GIGYF2: variants seen among roughly 807,000 people sequenced by gnomAD.
The protein encoded by GIGYF2 is GRB10 interacting GYF protein 2.
Under a neutral mutation model 208.1 loss-of-function variants are expected in GIGYF2, and 25 were observed. The ratio of observed to expected loss-of-function variants is 0.12; its 90% CI spans 0.09 to 0.17. The LOEUF is 0.17. Among genes scored for constraint, GIGYF2 ranks in the 10% least tolerant of loss-of-function variants. The pLI is 1.00. For missense variants in GIGYF2, 1,302 were observed against 1,579.4 expected, an observed-to-expected ratio of 0.82 and a Z score of 2.98; for synonymous variants, 534 against 543.8, an observed-to-expected ratio of 0.98 and a Z score of 0.25.
rs1051821614 is a variant in GIGYF2, at chr2:232,806,809, A to G, written c.1806+152A>G. 7 of 742,980 alleles carry G rather than the reference A, an allele frequency of 9.4e-6. No homozygotes were observed. The highest frequency in any genetic ancestry group is 1.7e-5 in the Non-Finnish European group (7 of 414,470). The allele number at this position is 742,980 out of a possible 1,614,324, so 46.0% of individuals were successfully genotyped here. A position where few individuals can be genotyped will look rare whatever the true frequency, so the allele number is the denominator to read the frequency against. The stretch of plus-strand genomic sequence containing the variant: ...AAGGGAAAGTCTGAATGGAAGACTG[A>G]ATACTTAGCTATAATGATCTTTTCA... On this transcript the variant is annotated intron_variant, in intron 15 of 28. Transcript: ENST00000373563. The surrounding 1 kb of genome is among the most constrained non-coding windows in gnomAD (Gnocchi z 4.0).
chr2:232,847,428 A>G lies in GIGYF2; in HGVS notation c.3541A>G (p.Thr1181Ala). 6.2e-7 allele frequency: 1 copy of G among 1,613,990 alleles called. No individual in the cohort carries two copies. Among genetic ancestry groups the G allele is most frequent in the Non-Finnish European group, 8.5e-7 (1 of 1,179,958 alleles). The part of the protein sequence containing the change: ...HDYIRAYLGD[T>A]SEAKEFAKQF... ...TTATATCAGGGCCTATTTAGGAGAT[A>G]CTTCTGAGGCCAAGGAGTTTGCCAA... Residue 1181 changes from threonine to alanine, a missense_variant, in exon 27 of 29, where the codon ACT (threonine) becomes GCT (alanine). Thr to Ala is a moderately conservative substitution (Grantham distance 58). Transcript: ENST00000373563.
chr2:232,754,097 G>A (rs1440058487), intron 5 of GIGYF2, among the ~76,000 whole-genome samples: 2 of 151,912 alleles, frequency 1.3e-5, no homozygotes, highest in African/African-American at 2.4e-5. Context: ...CCTGGAAGGC[G>A]GAGGTTGCAG....
chr2:232,745,806 G>T (rs1265151353), intron 3 of GIGYF2, among the ~76,000 whole-genome samples: 1 of 152,042 alleles, frequency 6.6e-6, no homozygotes, highest in Non-Finnish European at 1.5e-5. Flanking sequence ...CCTCTTGATG[G>T]AATAACATAC....
chr2:232,835,987 A>G (rs1248575887), intron 22 of GIGYF2, among the ~76,000 whole-genome samples: 1 of 152,020 alleles, frequency 6.6e-6, no homozygotes, highest in East Asian at 1.9e-4. Context: ...ATATCCAAAC[A>G]GCACTGATGC....
chr2:232,748,919 TATC>T (rs1406081875), intron 4 of GIGYF2, 65 bp from the exon 5 acceptor site: 9 of 803,122 alleles, frequency 1.1e-5, no homozygotes, highest in Non-Finnish European at 2.0e-5. Context: ...TTCTTGGATT[TATC>T]TTCTTGTATT....
At chr2:232,847,698 T>C in intron 27 of GIGYF2, 127 bp downstream of exon 27, 1 of 1,274,130 alleles carries the variant, frequency 7.8e-7, no homozygotes, top group Non-Finnish European at 1.1e-6. Context: ...CTTTAAAAAA[T>C]GTGTATACTT....
intron 5 of GIGYF2, among the ~76,000 whole-genome samples, chr2:232,752,265 A>G (rs767433496): frequency 2.0e-5 from 3 of 152,334 alleles, no homozygotes; most frequent in Non-Finnish European, 1.5e-5. Flanking sequence ...AGTATTGACT[A>G]GATCTTCCTA....
At chr2:232,727,790 C>T (rs1160616968) in intron 2 of GIGYF2, among the ~76,000 whole-genome samples, 5 of 152,122 alleles carry the variant, frequency 3.3e-5, no homozygotes, top group African/African-American at 1.2e-4. Flanking sequence ...GATTCACTTC[C>T]GTTAAATCTG....
At chr2:232,797,489 T>TTC in intron 14 of GIGYF2, among the ~76,000 whole-genome samples, 1 of 145,090 alleles carries the variant, frequency 6.9e-6, no homozygotes, top group East Asian at 2.0e-4. Flanking sequence ...AGAGCAGGGC[T>TTC]TGTGTGTGTG....
At position 232,847,477 on chromosome 2, in the gene GIGYF2, AAC is replaced by A; in HGVS notation, c.3592_3593del (p.Gln1198GlufsTer58). On this transcript the variant is annotated frameshift_variant, in exon 27 of 29. Transcript: ENST00000373563. LOFTEE classifies it high-confidence loss of function. ...AAGCAGTTCCTTGAGCGCCGTGCCA[AAC>A]AGAAAGCCAACCAGCAGCGTCAGCA... 1 of 1,613,272 alleles carries A rather than the reference AAC, an allele frequency of 6.2e-7. No homozygotes were observed. The highest frequency in any genetic ancestry group is 8.5e-7 in the Non-Finnish European group (1 of 1,179,966).
In GIGYF2 at chr2:232,817,037, G is replaced by T; in HGVS notation, c.2370+5G>T. ...GAACTTGCCCGAAGGAAACAGGTAT[G>T]TATCTGGGAACTCTGACCATAGGAT... On this transcript the variant is annotated splice_donor_5th_base_variant and intron_variant, in intron 20 of 28. Coordinates refer to ENST00000373563, the MANE Select transcript of GIGYF2 (RefSeq NM_001103146.3). 4.4e-6 allele frequency: 7 copies of T among 1,606,014 alleles called. No individual in the cohort carries two copies. The highest frequency in any genetic ancestry group is 6.0e-6 in the Non-Finnish European group (7 of 1,172,576).
intron 2 of GIGYF2, chr2:232,731,241 A>G (rs1353842502): frequency 1.3e-5 from 2 of 152,232 alleles, no homozygotes; most frequent in Non-Finnish European, 2.9e-5. Context: ...CTATGTGAGC[A>G]TATGTGATGG....
chr2:232,794,850 T>G lies in GIGYF2; in HGVS notation c.1385T>G (p.Leu462Arg), dbSNP rs865955406. The part of the protein sequence containing the change: ...PPPVPNPSPT[L>R]RPVETPVVGA... ...CCTGTTCCCAATCCTAGTCCTACTC[T>G]CCGGCCAGTTGAAACACCAGTTGTA... is the stretch of plus-strand genomic sequence containing the variant. Residue 462 changes from leucine (L) to arginine (R), a missense_variant, in exon 13 of 29, where the codon CTC becomes CGC. This residue lies in a region of GIGYF2 where 235 missense variants were observed against 218.8 expected (regional missense o/e 1.07). Transcript: ENST00000373563. 1 of 1,613,890 alleles carries G rather than the reference T, an allele frequency of 6.2e-7. No homozygotes were observed. Among genetic ancestry groups the G allele is most frequent in the Middle Eastern group, 1.7e-4 (1 of 6,060 alleles).
At chr2:232,794,512 C>T (rs1464676583) in intron 12 of GIGYF2, among the ~76,000 whole-genome samples, 1 of 152,156 alleles carries the variant, frequency 6.6e-6, no homozygotes, top group Non-Finnish European at 1.5e-5. Flanking sequence ...CAGGTAAGCC[C>T]TGGAGAAGCA....
chr2:232,712,418 C>G (rs931153965), intron 2 of GIGYF2, among the ~76,000 whole-genome samples: 24 of 152,094 alleles, frequency 1.6e-4, no homozygotes, highest in African/African-American at 5.3e-4. Context: ...AGTTTTTATT[C>G]CCTCGTCATG....
intron 23 of GIGYF2, among the ~76,000 whole-genome samples, chr2:232,842,042 A>G (rs1701832126): frequency 1.3e-5 from 2 of 151,420 alleles, no homozygotes; most frequent in South Asian, 2.1e-4. Flanking sequence ...GTGTCACTGC[A>G]TTACCTGGGC....
At chr2:232,783,998 T>C (rs969292328) in intron 8 of GIGYF2, among the ~76,000 whole-genome samples, 2 of 152,166 alleles carry the variant, frequency 1.3e-5, no homozygotes, top group Admixed American at 1.3e-4. Context: ...TCAGATCTAG[T>C]TTTTTACTTG....
At chr2:232,741,434 C>CTT (rs112967383) in intron 3 of GIGYF2, among the ~76,000 whole-genome samples, 2 of 145,132 alleles carry the variant, frequency 1.4e-5, no homozygotes, top group Non-Finnish European at 1.5e-5. Context: ...TCCTGGCTTC[C>CTT]TTTTTTTTTT....
chr2:232,747,840 G>A (rs1698201841), intron 4 of GIGYF2, 96 bp downstream of exon 4: 13 of 1,191,682 alleles, frequency 1.1e-5, no homozygotes, highest in Non-Finnish European at 9.8e-6. Flanking sequence ...TTTTACTAAT[G>A]TATTGACCCA....
Sources: gnomAD v4.1 joint callset for allele counts (sites outside exome capture counted in the v4.1 genomes callset) on GRCh38, gnomAD v4.1.1 for gene constraint, gnomAD v4.1.1 regional missense constraint, Gnocchi (gnomAD v3.1) non-coding constraint, MANE v1.5 for transcripts, NCBI Gene and HGNC (gene_info 2026-07-23, HGNC 2026-07-21) for gene names.